The following SAV1 variants were observed in gnomAD, a reference collection of about 807,000 sequenced individuals.
SAV1 encodes the protein salvador family WW domain containing protein 1.
Under a neutral mutation model 47.3 loss-of-function variants are expected in SAV1, and 23 were observed. That is an observed-to-expected ratio of 0.49 (90% CI 0.35 to 0.69). The LOEUF is 0.69. SAV1 is among the 30% of genes least tolerant of loss of function. SAV1 has a pLI of 0.01. For synonymous variants in SAV1, 155 were observed against 159.2 expected, an observed-to-expected ratio of 0.97 and a Z score of 0.20; for missense variants, 448 against 457.4, an observed-to-expected ratio of 0.98 and a Z score of 0.19.
chr14:50,639,303 AAAAC>A (rs1406104954), intron 4 of SAV1, among the ~76,000 whole-genome samples: 9 of 152,258 alleles, frequency 5.9e-5, no homozygotes, highest in Non-Finnish European at 1.3e-4. Context: ...AATTGTCTGA[AAAAC>A]AAAAGGAAGA....
intron 4 of SAV1, among the ~76,000 whole-genome samples, chr14:50,640,522 C>T (rs186188787): frequency 3.3e-5 from 5 of 152,198 alleles, no homozygotes; most frequent in East Asian, 3.9e-4. Context: ...AGCAGAGGCC[C>T]GCACACAAAG....
chr14:50,645,368 A>T (rs1241406108), intron 2 of SAV1, among the ~76,000 whole-genome samples: 2 of 152,172 alleles, frequency 1.3e-5, no homozygotes, highest in Non-Finnish European at 2.9e-5. Context: ...ACAAGCAGAA[A>T]ATTCCACACC....
chr14:50,640,895 TAAG>T lies in SAV1; in HGVS notation c.807-5_807-3del. 6.2e-7 allele frequency: 1 copy of T among 1,600,242 alleles called. No homozygotes were observed. Among genetic ancestry groups the T allele is most frequent in the East Asian group, 2.2e-5 (1 of 44,584 alleles). On this transcript the variant is annotated splice_polypyrimidine_tract_variant and splice_region_variant and intron_variant, in intron 3 of 4. Coordinates refer to ENST00000324679, the MANE Select transcript of SAV1 (RefSeq NM_021818.4). ...GGTGGTTGATCATACCGAGGTACACTAAGAAGAAAGGAGTGACATTCTTTAGGA... is the reference window on the plus strand; with the variant it reads ...GGTGGTTGATCATACCGAGGTACACTAAGAAAGGAGTGACATTCTTTAGGA...
At position 50,635,031 on chromosome 14, in the gene SAV1, G is replaced by C; in HGVS notation, c.*152C>G. 2 of 638,426 alleles carry C rather than the reference G, an allele frequency of 3.1e-6. No homozygotes were observed. The highest frequency in any genetic ancestry group is 5.3e-6 in the Non-Finnish European group (2 of 377,640). The allele number at this position is 638,426 out of a possible 1,614,324, so 39.5% of individuals were successfully genotyped here. On this transcript the variant is annotated 3_prime_UTR_variant, in exon 5 of 5. Transcript: ENST00000324679. The stretch of plus-strand genomic sequence containing the variant: ...GACTAATTTTTCTCATTCAATAAAA[G>C]AAAATTTCTAATAACAAAATACATG...
chr14:50,641,017 C>G (rs2039677537), intron 3 of SAV1, 124 bp from the exon 4 acceptor site: 1 of 816,302 alleles, frequency 1.2e-6, no homozygotes, highest in Non-Finnish European at 1.8e-6. Context: ...CTTACACCAC[C>G]TGAAAGGTAA....
chr14:50,645,806 G>C (rs1018173279), intron 2 of SAV1, among the ~76,000 whole-genome samples: 2 of 152,022 alleles, frequency 1.3e-5, no homozygotes, highest in African/African-American at 4.8e-5. Context: ...CTGTGCCCTA[G>C]AATTATTAAG....
chr14:50,655,888 A>G (rs2039808171), intron 2 of SAV1, among the ~76,000 whole-genome samples: 1 of 152,106 alleles, frequency 6.6e-6, no homozygotes, highest in African/African-American at 2.4e-5. Context: ...TCTACTAAAA[A>G]TACAAACTTA....
intron 2 of SAV1, among the ~76,000 whole-genome samples, chr14:50,653,311 A>G (rs566291400): frequency 6.6e-6 from 1 of 152,300 alleles, no homozygotes; most frequent in East Asian, 1.9e-4. Context: ...TAGGGTATCA[A>G]TTCATCATTC....
In SAV1 at chr14:50,655,477, A is replaced by C. The variant is rs113449770; in HGVS notation, c.535+9702T>G. Among the ~76,000 whole-genome samples, 1,059 of 151,202 alleles carry C rather than the reference A, an allele frequency of 7.0e-3. 8 individuals carry two copies. The highest frequency in any genetic ancestry group is 0.024 in the African/African-American group (994 of 41,132). ...AGTCTAGCCTCGTCCCCCAGGCTAA[A>C]GTCAGTGATGCAATCTCGGCTCACT... On this transcript the variant is annotated intron_variant, in intron 2 of 4. Coordinates refer to ENST00000324679, the MANE Select transcript of SAV1 (RefSeq NM_021818.4).
chr14:50,636,005 C>T (rs2039632039), intron 4 of SAV1, among the ~76,000 whole-genome samples: 1 of 152,110 alleles, frequency 6.6e-6, no homozygotes, highest in Non-Finnish European at 1.5e-5. Context: ...CCGCGCCCGG[C>T]CTACATATAA....
intron 2 of SAV1, among the ~76,000 whole-genome samples, chr14:50,645,476 T>G (rs142717880): frequency 6.6e-6 from 1 of 152,256 alleles, no homozygotes; most frequent in East Asian, 1.9e-4. Flanking sequence ...TCAGGCTATG[T>G]GTAGAAGGTA....
intron 2 of SAV1, among the ~76,000 whole-genome samples, chr14:50,646,223 C>G (rs2039720250): frequency 6.6e-6 from 1 of 152,044 alleles, no homozygotes; most frequent in Non-Finnish European, 1.5e-5. Flanking sequence ...AAGGGATTAA[C>G]AAAAATAAAA....
chr14:50,663,030 TCTC>T (rs931064178), intron 2 of SAV1: 3 of 152,264 alleles, frequency 2.0e-5, no homozygotes, highest in East Asian at 1.9e-4. Flanking sequence ...GTGTCCCACT[TCTC>T]CTCTTTCCAA....
At chr14:50,649,772 T>C (rs1160220419) in intron 2 of SAV1, among the ~76,000 whole-genome samples, 2 of 152,210 alleles carry the variant, frequency 1.3e-5, no homozygotes, top group Admixed American at 6.5e-5. Context: ...GGTACAAGGA[T>C]ACAGCATTTA....
chr14:50,649,326 A>G (rs2039748316), intron 2 of SAV1, among the ~76,000 whole-genome samples: 1 of 152,224 alleles, frequency 6.6e-6, no homozygotes, highest in South Asian at 2.1e-4. Context: ...TCCCACAAAG[A>G]AGATTCTTAG....
intron 2 of SAV1, among the ~76,000 whole-genome samples, chr14:50,659,627 T>C (rs776135948): frequency 9.8e-5 from 15 of 152,296 alleles, no homozygotes; most frequent in South Asian, 6.2e-4. Flanking sequence ...GGCAGGCAGA[T>C]TGCTTGAGCT....
At chr14:50,658,841 A>C (rs1265522882) in intron 2 of SAV1, among the ~76,000 whole-genome samples, 2 of 152,200 alleles carry the variant, frequency 1.3e-5, no homozygotes, top group Admixed American at 1.3e-4. Context: ...AGAAACTTTC[A>C]GCTACTGTCT....
At chr14:50,653,434 A>G (rs1477977249) in intron 2 of SAV1, among the ~76,000 whole-genome samples, 1 of 152,226 alleles carries the variant, frequency 6.6e-6, no homozygotes, top group Non-Finnish European at 1.5e-5. Context: ...ATAAAGAAGA[A>G]ATGACAGAAT....
At position 50,635,357 on chromosome 14, in the gene SAV1, G is replaced by A. The variant is rs749410643; in HGVS notation, c.978C>T (p.Leu326=). 2 of 1,614,074 alleles carry A rather than the reference G, an allele frequency of 1.2e-6. No individual in the cohort carries two copies. Among genetic ancestry groups the A allele is most frequent in the South Asian group, 2.2e-5 (2 of 91,080 alleles). ...ATGTATCCAGGTCAGCCAGCTGGAA[G>A]AGTTCCCACTTCAGAATGTGGTCAT... The part of the protein sequence containing the change: ...VKYDHILKWE[L]FQLADLDTYQ... The change falls in exon 5 of 5, where the codon CTC becomes CTT. Residue 326 remains leucine (L), a synonymous_variant. Coordinates refer to ENST00000324679, the MANE Select transcript of SAV1 (RefSeq NM_021818.4).
Sources: allele counts gnomAD v4.1 joint callset (sites outside exome capture counted in the v4.1 genomes callset), GRCh38; gene constraint gnomAD v4.1.1; transcripts MANE v1.5; gene names NCBI Gene and HGNC (gene_info 2026-07-23, HGNC 2026-07-21).